The following GRB10 variants were observed in gnomAD, a reference collection of about 807,000 sequenced individuals.
GRB10 encodes the protein growth factor receptor bound protein 10.
In GRB10, 20 loss-of-function variants were observed where a neutral mutation model predicts 80.9. The ratio of observed to expected loss-of-function variants is 0.25; its 90% CI spans 0.17 to 0.36. The LOEUF (loss-of-function observed/expected upper bound fraction) is 0.36, where lower values mean the gene tolerates loss of function less well. Among genes scored for constraint, GRB10 ranks in the 10% least tolerant of loss-of-function variants. The pLI is 1.00. For synonymous variants in GRB10, 291 were observed against 291.5 expected (o/e 1.00, Z 0.02); for missense variants, 548 against 747.7 (o/e 0.73, Z 3.12).
chr7:50,667,174 A>G (rs2059904814), intron 7 of GRB10, among the ~76,000 whole-genome samples: 1 of 152,038 alleles, frequency 6.6e-6, no homozygotes, highest in Admixed American at 6.6e-5. Context: ...AAATATCTCT[A>G]CTTTTTCCTC....
chr7:50,636,285 C>T (rs2055007402), intron 7 of GRB10, among the ~76,000 whole-genome samples: 1 of 151,980 alleles, frequency 6.6e-6, no homozygotes, highest in South Asian at 2.1e-4. Context: ...GGCCCTACAG[C>T]CAAATTTTAA....
At chr7:50,710,578 G>A (rs1464214225) in intron 4 of GRB10, among the ~76,000 whole-genome samples, 2 of 152,164 alleles carry the variant, frequency 1.3e-5, no homozygotes, top group South Asian at 4.1e-4. Context: ...CACACGGATG[G>A]AGGGGCAGCG....
At chr7:50,599,346 G>A (rs747007716) in intron 17 of GRB10, among the ~76,000 whole-genome samples, 1 of 152,220 alleles carries the variant, frequency 6.6e-6, no homozygotes, top group South Asian at 2.1e-4. Flanking sequence ...GTTTTTCGAG[G>A]TGGTTTTCTT....
Position 50,593,123 on chromosome 7 carries a change from C to T in GRB10, c.1639-25G>A, listed in dbSNP as rs751149581. ...ACTGGAGAGACACAAGAACACTTGC[C>T]AGGTTAGAGGCTGCCACCTCAGGGA... On this transcript the variant is annotated intron_variant, in intron 18 of 18. Transcript: ENST00000401949. The T allele has an allele frequency of 5.0e-6, 8 of 1,613,924 alleles. No individual in the cohort carries two copies. In the South Asian group the frequency reaches 8.8e-5, roughly 18 times the overall value.
chr7:50,780,809 C>T (rs1372085782), intron 1 of GRB10, 73 bp from the exon 2 acceptor site: 2 of 152,212 alleles, frequency 1.3e-5, no homozygotes, highest in African/African-American at 4.8e-5. Context: ...CAAGTACATA[C>T]TCCAAGAAGC....
intron 5 of GRB10, among the ~76,000 whole-genome samples, chr7:50,691,607 C>A (rs2062824034): frequency 4.6e-5 from 7 of 152,166 alleles, no homozygotes; most frequent in Admixed American, 4.6e-4. Context: ...ACTATACTAT[C>A]ATAATTTAAC....
chr7:50,687,157 C>T (rs995426701), intron 5 of GRB10, among the ~76,000 whole-genome samples: 2 of 152,226 alleles, frequency 1.3e-5, no homozygotes, highest in Non-Finnish European at 2.9e-5. Context: ...GCTGTATCTC[C>T]AAACTTTTAG....
chr7:50,752,384 T>C (rs145008306), intron 3 of GRB10, among the ~76,000 whole-genome samples: 42 of 152,316 alleles, frequency 2.8e-4, no homozygotes, highest in African/African-American at 9.4e-4. Flanking sequence ...ATGGGACACC[T>C]TGAGGAGCAA....
At chr7:50,664,103 C>T (rs371997843) in intron 7 of GRB10, among the ~76,000 whole-genome samples, 26 of 152,354 alleles carry the variant, frequency 1.7e-4, no homozygotes, top group African/African-American at 6.3e-4. Flanking sequence ...TCTTCCCTAG[C>T]GTGGACACCG....
intron 2 of GRB10, among the ~76,000 whole-genome samples, chr7:50,766,561 A>C (rs2076357586): frequency 6.6e-6 from 1 of 151,322 alleles, no homozygotes; most frequent in Non-Finnish European, 1.5e-5. Flanking sequence ...CTTGTGGAGG[A>C]AACATAATGT....
intron 2 of GRB10, among the ~76,000 whole-genome samples, chr7:50,757,569 A>G (rs2075252126): frequency 6.6e-6 from 1 of 152,284 alleles, no homozygotes; most frequent in Admixed American, 6.5e-5. Flanking sequence ...CATTTTATTA[A>G]GGGTATCGCT....
intron 17 of GRB10, 70 bp downstream of exon 17, chr7:50,603,928 T>A: frequency 8.1e-7 from 1 of 1,240,720 alleles, no homozygotes; most frequent in Non-Finnish European, 1.2e-6. Context: ...TCTGAGGAAT[T>A]AAACAGAACA....
At chr7:50,705,339 T>C (rs1249099159) in intron 4 of GRB10, 7 of 980,720 alleles carry the variant, frequency 7.1e-6, no homozygotes, top group Non-Finnish European at 7.3e-6. Context: ...GAAAACAAAA[T>C]AAAACGAACA....
intron 3 of GRB10, among the ~76,000 whole-genome samples, chr7:50,744,706 C>T (rs1003007985): frequency 1.3e-5 from 2 of 152,228 alleles, no homozygotes; most frequent in African/African-American, 4.8e-5. Flanking sequence ...CTTTTTAATG[C>T]AATGAGCAAT....
intron 5 of GRB10, among the ~76,000 whole-genome samples, chr7:50,694,123 A>G (rs910462645): frequency 6.6e-6 from 1 of 152,198 alleles, no homozygotes; most frequent in East Asian, 1.9e-4. Flanking sequence ...AAGGAATTCA[A>G]GACCAGCCTG....
At chr7:50,703,794 T>C (rs772333178) in intron 5 of GRB10, 27 bp downstream of exon 5, 15 of 1,525,004 alleles carry the variant, frequency 9.8e-6, no homozygotes, top group Admixed American at 3.3e-5. Context: ...GAACTGGGAG[T>C]GTTCTTGTGT....
chr7:50,758,078 C>T (rs910990730), intron 2 of GRB10, among the ~76,000 whole-genome samples: 6 of 152,328 alleles, frequency 3.9e-5, no homozygotes, highest in Admixed American at 3.3e-4. Context: ...ACAACATGCT[C>T]TTTGAACCTG....
chr7:50,744,130 T>G (rs2072410111), intron 3 of GRB10, among the ~76,000 whole-genome samples: 2 of 151,832 alleles, frequency 1.3e-5, no homozygotes, highest in African/African-American at 4.8e-5. Flanking sequence ...CAATGAAGTC[T>G]AGACACACTG....
At chr7:50,765,133 C>A (rs545372096) in intron 2 of GRB10, among the ~76,000 whole-genome samples, 3 of 152,174 alleles carry the variant, frequency 2.0e-5, no homozygotes, top group South Asian at 2.1e-4. Flanking sequence ...TATCATCTCA[C>A]CCCAGTTAAA....
Sources: allele counts gnomAD v4.1 joint callset (sites outside exome capture counted in the v4.1 genomes callset), GRCh38; gene constraint gnomAD v4.1.1; transcripts MANE v1.5; gene names NCBI Gene and HGNC (gene_info 2026-07-23, HGNC 2026-07-21).